The following PRKN variants were observed in gnomAD, a reference collection of about 807,000 sequenced individuals.
PRKN encodes the protein E3 ubiquitin-protein ligase parkin.
PRKN carries 56 observed loss-of-function variants against 59.5 expected under a neutral mutation model. The ratio of observed to expected loss-of-function variants is 0.94; its 90% confidence interval spans 0.76 to 1.18. The LOEUF (loss-of-function observed/expected upper bound fraction) is 1.18, where lower values mean the gene tolerates loss of function less well. Among genes scored for constraint, PRKN ranks in the 50% most tolerant of loss-of-function variants. The probability of loss-of-function intolerance (pLI) is 0.00; values close to 1 mark genes in which losing one functional copy is unlikely to be tolerated. For missense variants in PRKN, 657 were observed against 596.4 expected, an observed-to-expected ratio of 1.10 and a Z score of -1.06; for synonymous variants, 250 against 222.1, an observed-to-expected ratio of 1.13 and a Z score of -1.12.
At chr6:162,343,360 T>C (rs748071876) in intron 2 of PRKN, among the ~76,000 whole-genome samples, 1 of 152,212 alleles carries the variant, frequency 6.6e-6, no homozygotes, top group African/African-American at 2.4e-5. Flanking sequence ...GCAGAAGCCA[T>C]GACTGGGTCT....
intron 9 of PRKN, among the ~76,000 whole-genome samples, chr6:161,455,976 T>C (rs563493639): frequency 1.3e-3 from 202 of 152,128 alleles, no homozygotes; most frequent in African/African-American, 4.6e-3. Flanking sequence ...AGGCTGGCCA[T>C]GTGTGTTTAT....
intron 7 of PRKN, among the ~76,000 whole-genome samples, chr6:161,675,650 G>A (rs1245492075): frequency 6.6e-6 from 1 of 152,080 alleles, no homozygotes; most frequent in African/African-American, 2.4e-5. Context: ...TTACTATGCC[G>A]TTTTGTCTTT....
chr6:162,726,459 T>C (rs999926997), intron 1 of PRKN, among the ~76,000 whole-genome samples: 6 of 152,158 alleles, frequency 3.9e-5, no homozygotes, highest in African/African-American at 9.7e-5. Context: ...TGATTAACTT[T>C]CAAGTCATTC....
chr6:162,543,496 C>T (rs1562370684), intron 1 of PRKN, among the ~76,000 whole-genome samples: 1 of 152,046 alleles, frequency 6.6e-6, no homozygotes, highest in Non-Finnish European at 1.5e-5. Context: ...CAATCCTAAA[C>T]CCAGGTAGCC....
At chr6:162,244,577 C>T (rs1779122576) in intron 3 of PRKN, among the ~76,000 whole-genome samples, 1 of 151,992 alleles carries the variant, frequency 6.6e-6, no homozygotes, top group Admixed American at 6.6e-5. Context: ...CAGGTATATG[C>T]ATTCACGCCA....
chr6:162,614,135 TCTC>T (rs576771719), intron 1 of PRKN, among the ~76,000 whole-genome samples: 165 of 152,288 alleles, frequency 1.1e-3, no homozygotes, highest in African/African-American at 3.7e-3. Context: ...ACTTTTGTCT[TCTC>T]CTATAGTAAT....
At position 161,560,517 on chromosome 6, in the gene PRKN, T is replaced by G. The variant is rs1780419398; in HGVS notation, c.933+8838A>C. Among the ~76,000 whole-genome samples, 1 of 152,256 alleles carries G rather than the reference T, an allele frequency of 6.6e-6. No homozygotes were observed. The highest frequency in any genetic ancestry group is 2.4e-5 in the African/African-American group (1 of 41,556). ...ACTGTAGCTTCAGGCTGTTCTCACC[T>G]TTTCTCCGATTCTTGTCATCATTCT... On this transcript the variant is annotated intron_variant, in intron 8 of 11. Coordinates refer to ENST00000366898, the MANE Select transcript of PRKN (RefSeq NM_004562.3). The surrounding 1 kb of genome is among the most constrained non-coding windows in gnomAD (Gnocchi z 4.9).
At chr6:162,229,997 C>T (rs1237443950) in intron 3 of PRKN, among the ~76,000 whole-genome samples, 4 of 152,198 alleles carry the variant, frequency 2.6e-5, no homozygotes, top group Non-Finnish European at 5.9e-5. Flanking sequence ...CGCCACAGAG[C>T]CTGCACTCCG....
At position 162,161,907 on chromosome 6, in the gene PRKN, C is replaced by T. The variant is rs578157289; in HGVS notation, c.534+39224G>A. ...ATGATTATTGTTGTTAATCTCTTAC[C>T]GTGCCTAATTCATAAATTAAGCTTT... On this transcript the variant is annotated intron_variant, in intron 4 of 11. Coordinates refer to ENST00000366898, the MANE Select transcript of PRKN (RefSeq NM_004562.3). Among the ~76,000 whole-genome samples the T allele has an allele frequency of 9.9e-5, 15 of 151,956 alleles. No homozygotes were observed. The South Asian group carries it at 2.5e-3, about 25-fold the overall frequency.
chr6:161,514,716 G>A (rs1411146726), intron 9 of PRKN, among the ~76,000 whole-genome samples: 1 of 152,114 alleles, frequency 6.6e-6, no homozygotes, highest in African/African-American at 2.4e-5. Context: ...AGGGAAAGGG[G>A]ACCCAGTGAC....
chr6:161,648,129 C>T (rs1329716083), intron 7 of PRKN, among the ~76,000 whole-genome samples: 2 of 152,190 alleles, frequency 1.3e-5, no homozygotes. Context: ...GCTTGCTTCT[C>T]CAGTAAAAGA....
chr6:161,753,519 C>T lies in PRKN; in HGVS notation c.871+32253G>A, dbSNP rs113378014. 6.5e-3 allele frequency among the ~76,000 whole-genome samples: 988 copies of T among 152,242 alleles called. 15 individuals carry two copies. Among genetic ancestry groups the T allele is most frequent in the Middle Eastern group, 0.041 (12 of 294 alleles). On this transcript the variant is annotated intron_variant, in intron 7 of 11. Transcript: ENST00000366898. Reference sequence around the variant, plus strand: ...GTACGAAGAAGGATAAAAAATTCTGCGGAGGGGGATAAGAGGTTTATGGGT... The same window carrying T: ...GTACGAAGAAGGATAAAAAATTCTGTGGAGGGGGATAAGAGGTTTATGGGT...
At chr6:161,660,660 T>C (rs1784510821) in intron 7 of PRKN, among the ~76,000 whole-genome samples, 1 of 152,160 alleles carries the variant, frequency 6.6e-6, no homozygotes, top group Non-Finnish European at 1.5e-5. Flanking sequence ...CCTGGGCCGC[T>C]CTTTCCCCTT....
At chr6:162,146,480 C>G (rs554095216) in intron 4 of PRKN, among the ~76,000 whole-genome samples, 1 of 148,336 alleles carries the variant, frequency 6.7e-6, no homozygotes, top group Non-Finnish European at 1.5e-5. Context: ...TATATATATA[C>G]GTATGTATAT....
At chr6:162,195,700 G>A (rs1483070265) in intron 4 of PRKN, among the ~76,000 whole-genome samples, 2 of 152,172 alleles carry the variant, frequency 1.3e-5, no homozygotes, top group East Asian at 3.8e-4. Context: ...TTGTAGCGGG[G>A]AGGGGGTCAC....
At chr6:161,698,299 T>C (rs1312522568) in intron 7 of PRKN, among the ~76,000 whole-genome samples, 1 of 152,098 alleles carries the variant, frequency 6.6e-6, no homozygotes, top group Non-Finnish European at 1.5e-5. Flanking sequence ...TTGGAGAATT[T>C]ACAATGGAGA....
chr6:161,935,873 GACTA>G (rs1779338719), intron 6 of PRKN, among the ~76,000 whole-genome samples: 1 of 152,116 alleles, frequency 6.6e-6, no homozygotes, highest in Non-Finnish European at 1.5e-5. Flanking sequence ...GAGGAACAAT[GACTA>G]ACAGCACAAA....
chr6:162,424,610 C>T (rs1789135085), intron 2 of PRKN, among the ~76,000 whole-genome samples: 1 of 151,826 alleles, frequency 6.6e-6, no homozygotes, highest in Admixed American at 6.6e-5. Flanking sequence ...GTCATGGGGG[C>T]CTGTAATCCC....
intron 1 of PRKN, among the ~76,000 whole-genome samples, chr6:162,472,809 T>C (rs1791824352): frequency 7.0e-6 from 1 of 142,814 alleles, no homozygotes; most frequent in South Asian, 2.3e-4. Context: ...TTATTTTATA[T>C]ATATATATCT....
Sources: allele counts gnomAD v4.1 joint callset (sites outside exome capture counted in the v4.1 genomes callset), GRCh38; gene constraint gnomAD v4.1.1; non-coding constraint Gnocchi (gnomAD v3.1); transcripts MANE v1.5; gene names NCBI Gene and HGNC (gene_info 2026-07-23, HGNC 2026-07-21).